GART: variants seen among roughly 807,000 people sequenced by gnomAD.
GART encodes trifunctional purine biosynthetic protein adenosine-3.
GART carries 43 observed loss-of-function variants against 107.2 expected under a neutral mutation model. That is an observed-to-expected ratio of 0.40 (90% CI 0.31 to 0.52). The LOEUF (loss-of-function observed/expected upper bound fraction) is 0.52. Ranked by LOEUF, GART falls within the 20% of genes least tolerant of loss-of-function variation. The pLI is 0.52. For synonymous variants in GART, 434 were observed against 427.0 expected (o/e 1.02, Z -0.20); for missense variants, 1,107 against 1,206.5 (o/e 0.92, Z 1.22).
At chr21:33,530,933 A>G (rs2085175266) in intron 6 of GART, 49 bp from the exon 7 acceptor site, 1 of 1,484,334 alleles carries the variant, frequency 6.7e-7, no homozygotes, top group Non-Finnish European at 8.9e-7. Flanking sequence ...CAAAAACTAA[A>G]AAAAAAAATT....
rs755855870 is a variant in GART, at chr21:33,504,270, C to T, written c.2887G>A (p.Val963Met). The stretch of plus-strand genomic sequence containing the variant: ...GTTGCGACAGTATCACCCCTCTTCA[C>T]GGGAACAGCTTCTTGCAAAATAATC... Reference protein sequence around the residue: ...GQIILQEAVPVKRGDTVATLS... With the variant: ...GQIILQEAVPMKRGDTVATLS... Residue 963 changes from valine (V) to methionine (M), a missense_variant, in exon 22 of 22, where the codon GTG becomes ATG. Transcript: ENST00000381815. 26 of 1,614,060 alleles carry T rather than the reference C, an allele frequency of 1.6e-5. No homozygotes were observed. Among genetic ancestry groups the T allele is most frequent in the Non-Finnish European group, 5.1e-6 (6 of 1,180,032 alleles).
At chr21:33,542,473 G>A (rs937228001), upstream of GART, 1 of 153,410 alleles carries the variant, frequency 6.5e-6, no homozygotes, top group East Asian at 1.9e-4. Context: ...AAAATGCACC[G>A]GGCTTTGAAT....
chr21:33,536,734 A>G (rs1327893660), intron 2 of GART, among the ~76,000 whole-genome samples: 1 of 152,232 alleles, frequency 6.6e-6, no homozygotes, highest in African/African-American at 2.4e-5. Flanking sequence ...AGATAATATG[A>G]TAGTCAATCT....
chr21:33,508,451 T>A (rs2084722988), intron 18 of GART, among the ~76,000 whole-genome samples: 1 of 151,646 alleles, frequency 6.6e-6, no homozygotes, highest in African/African-American at 2.4e-5. Flanking sequence ...TTATACCTGA[T>A]AGAAAAATTT....
At chr21:33,538,424 G>C (rs1265564316) in intron 2 of GART, among the ~76,000 whole-genome samples, 1 of 151,790 alleles carries the variant, frequency 6.6e-6, no homozygotes, top group Non-Finnish European at 1.5e-5. Flanking sequence ...GTAGAGATCG[G>C]GTCTCACTAC....
Position 33,503,972 on chromosome 21 carries a change from GTCTC to G in GART, c.*148_*151del. On this transcript the variant is annotated 3_prime_UTR_variant, in exon 22 of 22. Transcript: ENST00000381815. The stretch of plus-strand genomic sequence containing the variant: ...CACTAACTAGTCTTGTTTTTAGTGA[GTCTC>G]TATTTATTAAAAAAATAGATGAAGT... 2 of 620,760 alleles carry G rather than the reference GTCTC, an allele frequency of 3.2e-6. No individual in the cohort carries two copies. Among genetic ancestry groups the G allele is most frequent in the African/African-American group, 1.8e-5 (1 of 54,610 alleles). The allele number at this position is 620,760 out of a possible 1,614,324, so 38.5% of individuals were successfully genotyped here.
In GART at chr21:33,528,910, T is replaced by C; in HGVS notation, c.751A>G (p.Lys251Glu). ...ACTGTCCTCTGAAGAACAGTATCTTTAATTTTTAGTAATAGATCATTAGAA... is the reference window on the plus strand; with the variant it reads ...ACTGTCCTCTGAAGAACAGTATCTTCAATTTTTAGTAATAGATCATTAGAA... The part of the protein sequence containing the change: ...QVSNDLLLKI[K>E]DTVLQRTVDG... Residue 251 changes from lysine (K) to glutamate (E), a missense_variant, in exon 8 of 22, where the codon AAA becomes GAA. Coordinates refer to ENST00000381815, the MANE Select transcript of GART (RefSeq NM_000819.5). 6.2e-7 allele frequency: 1 copy of C among 1,612,584 alleles called. No individual in the cohort carries two copies. Among genetic ancestry groups the C allele is most frequent in the Non-Finnish European group, 8.5e-7 (1 of 1,178,640 alleles).
At chr21:33,509,135 T>G (rs2084738436) in intron 18 of GART, 1 of 152,216 alleles carries the variant, frequency 6.6e-6, no homozygotes, top group Non-Finnish European at 1.5e-5. Context: ...CAGTCCCAGC[T>G]ACTCGGGGGG....
chr21:33,534,936 A>C (rs116421647), intron 3 of GART, among the ~76,000 whole-genome samples, 183 bp from the exon 4 acceptor site: 13 of 152,338 alleles, frequency 8.5e-5, no homozygotes, highest in African/African-American at 2.9e-4. Context: ...ATGTTATTCA[A>C]ATCTATCAAA....
In GART at chr21:33,534,637, G is replaced by T; in HGVS notation, c.358C>A (p.Pro120Thr). Residue 120 changes from proline (P) to threonine (T), a missense_variant, in exon 4 of 22, where the codon CCA (proline) becomes ACA (threonine). By Grantham distance (38) the Pro-to-Thr change is conservative. Transcript: ENST00000381815. The stretch of plus-strand genomic sequence containing the variant: ...GTGAAAGCCTTCCATTGTGCGGTTG[G>T]GATTCCATGTCTGTCCATAAACTCT... Reference protein sequence around the residue: ...AKEFMDRHGIPTAQWKAFTKP... With the variant: ...AKEFMDRHGITTAQWKAFTKP... 1 of 1,614,122 alleles carries T rather than the reference G, an allele frequency of 6.2e-7. No individual in the cohort carries two copies. The highest frequency in any genetic ancestry group is 8.5e-7 in the Non-Finnish European group (1 of 1,180,012).
intron 19 of GART, 114 bp downstream of exon 19, chr21:33,505,859 AC>A: frequency 6.8e-7 from 1 of 1,462,540 alleles, no homozygotes; most frequent in Non-Finnish European, 9.3e-7. Flanking sequence ...CAAGCCCAGC[AC>A]CCACCCAAAA....
At chr21:33,537,250 A>G (rs909229605) in intron 2 of GART, among the ~76,000 whole-genome samples, 7 of 152,192 alleles carry the variant, frequency 4.6e-5, no homozygotes, top group Non-Finnish European at 1.0e-4. Flanking sequence ...TAATAAACAA[A>G]TATCTCACCC....
chr21:33,532,146 T>C (rs2085203558), intron 5 of GART, 199 bp downstream of exon 5: 1 of 536,980 alleles, frequency 1.9e-6, no homozygotes, highest in Non-Finnish European at 3.3e-6. Context: ...TTCAAAATAA[T>C]ACAATCATGG....
chr21:33,532,291 G>A (rs560660803), intron 5 of GART, 54 bp downstream of exon 5: 32 of 1,193,520 alleles, frequency 2.7e-5, no homozygotes, highest in Middle Eastern at 1.9e-4. Context: ...AACTTAAAAC[G>A]GTATTTATTC....
intron 14 of GART, 78 bp from the exon 15 acceptor site, chr21:33,517,686 A>G: frequency 7.2e-7 from 1 of 1,393,702 alleles, no homozygotes; most frequent in South Asian, 1.2e-5. Flanking sequence ...GGCTACTCTT[A>G]ACATGAACAA....
chr21:33,515,683 C>T (rs375396267), intron 16 of GART, among the ~76,000 whole-genome samples: 1 of 112,786 alleles, frequency 8.9e-6, no homozygotes, highest in South Asian at 3.0e-4. Context: ...AAACGAAAAA[C>T]AAAAAACAAA....
In GART at chr21:33,511,321, T is replaced by G. The variant is rs1472253476; in HGVS notation, c.2245A>C (p.Ile749Leu). Residue 749 changes from isoleucine to leucine, a missense_variant, in exon 17 of 22, where the codon ATT becomes CTT. Coordinates refer to ENST00000381815, the MANE Select transcript of GART (RefSeq NM_000819.5). Reference sequence around the variant, plus strand: ...TTGTGCTGCTGGATATCCCTCAGAATCTGCTCTGTCTGCTCCTTTGATACC... The same window carrying G: ...TTGTGCTGCTGGATATCCCTCAGAAGCTGCTCTGTCTGCTCCTTTGATACC... ...LVVSKEQTEQ[I>L]LRDIQQHKEE... The G allele has an allele frequency of 6.2e-7, 1 of 1,614,102 alleles. No individual in the cohort carries two copies. The highest frequency in any genetic ancestry group is 8.5e-7 in the Non-Finnish European group (1 of 1,180,056).
rs2085189552 is a variant in GART, at chr21:33,531,568, G to GT, written c.529-12_529-11insA. 6.9e-7 allele frequency: 1 copy of GT among 1,439,774 alleles called. No homozygotes were observed. Among genetic ancestry groups the GT allele is most frequent in the African/African-American group, 1.6e-5 (1 of 62,388 alleles). The allele number at this position is 1,439,774 out of a possible 1,614,324, so 89.2% of individuals were successfully genotyped here. A position where few individuals can be genotyped will look rare whatever the true frequency, so the allele number is the denominator to read the frequency against. On this transcript the variant is annotated splice_polypyrimidine_tract_variant and intron_variant, in intron 5 of 21. Coordinates refer to ENST00000381815, the MANE Select transcript of GART (RefSeq NM_000819.5). ...CCCAAAGGCTTTCTCCTGATTGTAA[G>GT]ATTTTTTTTTTTTTTTTTTTTAAAA... is the stretch of plus-strand genomic sequence containing the variant.
intron 8 of GART, 71 bp from the exon 9 acceptor site, chr21:33,528,675 T>C (rs1298257249): frequency 7.6e-6 from 8 of 1,058,580 alleles, no homozygotes; most frequent in Non-Finnish European, 8.0e-6. Context: ...ATTACAAATA[T>C]AAAATCTACT....
Sources: gnomAD v4.1 joint callset for allele counts (sites outside exome capture counted in the v4.1 genomes callset) on GRCh38, gnomAD v4.1.1 for gene constraint, MANE v1.5 for transcripts, NCBI Gene and HGNC (gene_info 2026-07-23, HGNC 2026-07-21) for gene names.